The following CLASP2 variants were observed in gnomAD, a reference collection of about 807,000 sequenced individuals.
CLASP2 encodes the protein cytoplasmic linker associated protein 2.
Under a neutral mutation model 194.4 loss-of-function variants are expected in CLASP2, and 47 were observed. The observed-to-expected ratio is 0.24, with a 90% CI of 0.19 to 0.31. The LOEUF is 0.31. Ranked by LOEUF, CLASP2 falls within the 10% of genes least tolerant of loss-of-function variation. CLASP2 has a pLI of 1.00. For missense variants in CLASP2, 1,445 were observed against 1,823.6 expected (o/e 0.79, Z 3.78); for synonymous variants, 619 against 633.5 (o/e 0.98, Z 0.34).
intron 32 of CLASP2, among the ~76,000 whole-genome samples, chr3:33,539,692 C>T (rs533957566): frequency 1.2e-4 from 18 of 152,160 alleles, no homozygotes; most frequent in Non-Finnish European, 2.6e-4. Flanking sequence ...TTGTCTATGG[C>T]TGTTTTCTAT....
In CLASP2 at chr3:33,592,536, T is replaced by C. The variant is rs765081031; in HGVS notation, c.1967-40A>G. On this transcript the variant is annotated intron_variant, in intron 20 of 38. Transcript: ENST00000682230. The stretch of plus-strand genomic sequence containing the variant: ...ATTTACATAATTAAAAACATTTTTC[T>C]ATAATAATGTTTAATAATGAGAGGA... The C allele has an allele frequency of 2.7e-6, 4 of 1,462,660 alleles. No individual in the cohort carries two copies. In the Admixed American group the frequency reaches 5.5e-5, roughly 20 times the overall value. The allele number at this position is 1,462,660 out of a possible 1,614,324, so 90.6% of individuals were successfully genotyped here. A position where few individuals can be genotyped will look rare whatever the true frequency, so the allele number is the denominator to read the frequency against.
At chr3:33,516,915 T>A (rs1357541) in intron 35 of CLASP2, 66 bp downstream of exon 35, 149 of 1,330,678 alleles carry the variant, frequency 1.1e-4, no homozygotes, top group Non-Finnish European at 1.4e-4. Context: ...CGTGTAGCAT[T>A]AGATTAACAG....
chr3:33,661,177 A>T (rs1029026218), intron 7 of CLASP2, among the ~76,000 whole-genome samples: 8 of 152,208 alleles, frequency 5.3e-5, no homozygotes, highest in African/African-American at 1.9e-4. Flanking sequence ...TAAACTCATT[A>T]AACAAGGAGT....
At chr3:33,649,610 G>A (rs568843164) in intron 7 of CLASP2, among the ~76,000 whole-genome samples, 3 of 152,282 alleles carry the variant, frequency 2.0e-5, no homozygotes, top group Admixed American at 6.5e-5. Context: ...AACCAGTACA[G>A]TGGAACTTCT....
At chr3:33,514,982 A>G (rs1397533985) in intron 36 of CLASP2, among the ~76,000 whole-genome samples, 1 of 152,150 alleles carries the variant, frequency 6.6e-6, no homozygotes, top group Non-Finnish European at 1.5e-5. Context: ...TGGAAAACCA[A>G]ACATCATATG....
chr3:33,628,571 T>C (rs2078467457), intron 9 of CLASP2, among the ~76,000 whole-genome samples: 2 of 152,160 alleles, frequency 1.3e-5, no homozygotes, highest in African/African-American at 2.4e-5. Context: ...GATTAAGTAA[T>C]GGTTTACACA....
rs373103110 is a variant in CLASP2 at position 33,695,063 on chromosome 3, GTTTT to G, written c.274+1788_274+1791del. 1.4e-4 allele frequency among the ~76,000 whole-genome samples: 19 copies of G among 140,266 alleles called. No homozygotes were observed. In the South Asian group the frequency reaches 4.1e-3, roughly 30 times the overall value. The allele number at this position is 140,266 out of a possible 152,430, so 92.0% of individuals were successfully genotyped here. On this transcript the variant is annotated intron_variant, in intron 2 of 38. Transcript: ENST00000682230. Reference sequence around the variant, plus strand: ...AGAGCAGTTTTCAATATCTACTATAGTTTTTTTTTTTTTTTTAAAGAGATAGAGG... The same window carrying G: ...AGAGCAGTTTTCAATATCTACTATAGTTTTTTTTTTTTAAAGAGATAGAGG...
intron 34 of CLASP2, among the ~76,000 whole-genome samples, chr3:33,518,441 G>C (rs2052036505): frequency 6.6e-6 from 1 of 152,140 alleles, no homozygotes; most frequent in Non-Finnish European, 1.5e-5. Flanking sequence ...AGGGATTTCA[G>C]CAGGTAGTGC....
At position 33,718,123 on chromosome 3, in the gene CLASP2, G is replaced by A. The variant is rs1559733905; in HGVS notation, c.-121C>T. 5 of 1,014,488 alleles carry A rather than the reference G, an allele frequency of 4.9e-6. No homozygotes were observed. Among genetic ancestry groups the A allele is most frequent in the Non-Finnish European group, 6.6e-6 (5 of 759,488 alleles). The allele number at this position is 1,014,488 out of a possible 1,614,324, so 62.8% of individuals were successfully genotyped here. A position where few individuals can be genotyped will look rare whatever the true frequency, so the allele number is the denominator to read the frequency against. ...GACTCACTTAGCCCGCCAGGGGCGC[G>A]GCTTGCGGGGCGCAGCGGGCGGCGG... On this transcript the variant is annotated 5_prime_UTR_variant, in exon 1 of 39. Transcript: ENST00000682230.
chr3:33,645,131 A>T (rs2082064622), intron 7 of CLASP2: 9 of 688,314 alleles, frequency 1.3e-5, no homozygotes, highest in Admixed American at 2.2e-5. Context: ...TTACTTATAC[A>T]TATTAAGTCA....
intron 16 of CLASP2, 93 bp from the exon 17 acceptor site, chr3:33,604,302 G>T: frequency 7.2e-6 from 6 of 832,646 alleles, no homozygotes; most frequent in South Asian, 1.6e-5. Flanking sequence ...GTGGAAAGTT[G>T]AGAAGTATTT....
intron 27 of CLASP2, among the ~76,000 whole-genome samples, chr3:33,561,628 T>G (rs1331423087): frequency 6.6e-6 from 1 of 152,228 alleles, no homozygotes; most frequent in East Asian, 1.9e-4. Flanking sequence ...CCATACCCAT[T>G]TATGGGTTTT....
intron 33 of CLASP2, among the ~76,000 whole-genome samples, chr3:33,537,363 A>G (rs2057544659): frequency 1.3e-5 from 2 of 152,218 alleles, no homozygotes; most frequent in South Asian, 4.1e-4. Context: ...CACAGTGAGA[A>G]AAACAACAGC....
chr3:33,509,015 T>A (rs1487821050), intron 37 of CLASP2, among the ~76,000 whole-genome samples: 2 of 152,138 alleles, frequency 1.3e-5, no homozygotes, highest in African/African-American at 4.8e-5. Context: ...GAGTGGAAAA[T>A]GGTATTTGAA....
intron 33 of CLASP2, among the ~76,000 whole-genome samples, chr3:33,535,807 A>G (rs2057214748): frequency 6.6e-6 from 1 of 152,174 alleles, no homozygotes; most frequent in Admixed American, 6.5e-5. Flanking sequence ...AAGAACTTTC[A>G]TAAGCAATAC....
At chr3:33,654,032 C>CAAAAAAAA (rs11456253) in intron 7 of CLASP2, among the ~76,000 whole-genome samples, 1 of 118,670 alleles carries the variant, frequency 8.4e-6, no homozygotes, top group African/African-American at 3.0e-5. Flanking sequence ...TCTGAACTGT[C>CAAAAAAAA]AAAAAAAAAA....
rs1397326377 is a variant in CLASP2, at chr3:33,603,092, G to A, written c.1784C>T (p.Pro595Leu). 1 of 1,588,986 alleles carries A rather than the reference G, an allele frequency of 6.3e-7. No homozygotes were observed. The highest frequency in any genetic ancestry group is 1.3e-5 in the African/African-American group (1 of 74,590). The change falls in exon 18 of 39, where the codon CCA becomes CTA. Residue 595 changes from proline (P) to leucine (L), a missense_variant. Coordinates refer to ENST00000682230, the MANE Select transcript of CLASP2 (RefSeq NM_001365631.1). ...ACTTCGTGAACGCTGCAGGCTTCCT[G>A]GAAGGGAACTGGCTTTGCTGCTGCC... Reference protein sequence around the residue: ...SAGSSKASSLPGSLQRSRSDI... With the variant: ...SAGSSKASSLLGSLQRSRSDI...
chr3:33,636,834 C>G (rs891805602), intron 8 of CLASP2, among the ~76,000 whole-genome samples: 28 of 152,174 alleles, frequency 1.8e-4, no homozygotes, highest in Non-Finnish European at 2.9e-5. Context: ...CTCCTGACCT[C>G]AAGTGATCCA....
At chr3:33,571,142 TA>T (rs2063681608) in intron 25 of CLASP2, among the ~76,000 whole-genome samples, 1 of 150,610 alleles carries the variant, frequency 6.6e-6, no homozygotes, top group African/African-American at 2.4e-5. Context: ...GCCTCCCGAG[TA>T]GCTGGGAGTA....
Sources: allele counts gnomAD v4.1 joint callset (sites outside exome capture counted in the v4.1 genomes callset), GRCh38; gene constraint gnomAD v4.1.1; transcripts MANE v1.5; gene names NCBI Gene and HGNC (gene_info 2026-07-23, HGNC 2026-07-21).